TYRO3: variants seen among roughly 807,000 people sequenced by gnomAD.
TYRO3 encodes TYRO3 protein tyrosine kinase.
TYRO3 carries 38 observed loss-of-function variants against 95.2 expected under a neutral mutation model. That is an observed-to-expected ratio of 0.40 (90% CI 0.31 to 0.52). The LOEUF is 0.52. Ranked by LOEUF, TYRO3 falls within the 20% of genes least tolerant of loss-of-function variation. The probability of loss-of-function intolerance (pLI) is 0.56; values close to 1 mark genes in which losing one functional copy is unlikely to be tolerated. For synonymous variants in TYRO3, 367 were observed against 432.9 expected (o/e 0.85, Z 1.89); for missense variants, 812 against 1,116.4 (o/e 0.73, Z 3.89).
chr15:41,576,669 T>TTA (rs1395461321), intron 18 of TYRO3, among the ~76,000 whole-genome samples: 268 of 83,624 alleles, frequency 3.2e-3, no homozygotes, highest in African/African-American at 4.4e-3. Context: ...TTTTTTTTTT[T>TTA]AAAAAAAAAA....
intron 11 of TYRO3, 124 bp downstream of exon 11, chr15:41,570,464 G>A (rs2055781344): frequency 7.2e-7 from 1 of 1,395,830 alleles, no homozygotes; most frequent in African/African-American, 1.4e-5. Flanking sequence ...ACACAAATCT[G>A]CCTGTGTGGA....
intron 3 of TYRO3, chr15:41,562,331 C>CA (rs11363130): frequency 0.46 from 79,719 of 172,950 alleles, 19,980 homozygotes; most frequent in African/African-American, 0.63. Context: ...CGACCAATCT[C>CA]AAAAAAAAAA....
At chr15:41,574,661 C>A (rs2055839395) in intron 18 of TYRO3, 1 of 455,914 alleles carries the variant, frequency 2.2e-6, no homozygotes, top group Admixed American at 2.4e-5. Context: ...TCTAGTCTTA[C>A]ACTCCCACTC....
rs1595508441 is a variant in TYRO3, at chr15:41,580,580, T to C, written c.*2304T>C. 1 of 151,286 alleles carries C rather than the reference T, an allele frequency of 6.6e-6. No homozygotes were observed. Among genetic ancestry groups the C allele is most frequent in the South Asian group, 2.1e-4 (1 of 4,798 alleles). 9.4% of individuals were successfully genotyped at this position (151,286 alleles called of 1,614,324 possible). A position where few individuals can be genotyped will look rare whatever the true frequency, so the allele number is the denominator to read the frequency against. ...TCCCACCACCTAGAGATAATCACCA[T>C]TGATCTTTTGAAAATGCAAATATTC... On this transcript the variant is annotated 3_prime_UTR_variant, in exon 19 of 19. Transcript: ENST00000263798.
At chr15:41,559,416 G>A in intron 1 of TYRO3, 35 bp downstream of exon 1, 1 of 344,044 alleles carries the variant, frequency 2.9e-6, no homozygotes, top group Non-Finnish European at 5.2e-6. Flanking sequence ...GGGAAGCGGG[G>A]GGCTGCGGAG....
intron 1 of TYRO3, among the ~76,000 whole-genome samples, chr15:41,560,032 C>T (rs1260722903): frequency 6.6e-6 from 1 of 152,170 alleles, no homozygotes; most frequent in African/African-American, 2.4e-5. Flanking sequence ...GTTCCCACCC[C>T]GCACCTCGGG....
chr15:41,561,450 G>A, intron 2 of TYRO3, 89 bp from the exon 3 acceptor site: 1 of 1,363,270 alleles, frequency 7.3e-7, no homozygotes, highest in Non-Finnish European at 9.9e-7. Context: ...GGACCTTCCA[G>A]AAGTGGGGGC....
Position 41,559,349 on chromosome 15 carries a change from C to A in TYRO3, c.92C>A (p.Ala31Asp). 2.8e-6 allele frequency: 1 copy of A among 356,176 alleles called. No homozygotes were observed. Among genetic ancestry groups the A allele is most frequent in the Non-Finnish European group, 5.0e-6 (1 of 199,522 alleles). 22.1% of individuals were successfully genotyped at this position (356,176 alleles called of 1,614,324 possible). A position where few individuals can be genotyped will look rare whatever the true frequency, so the allele number is the denominator to read the frequency against. Residue 31 changes from alanine to aspartate, a missense_variant, in exon 1 of 19, where the codon GCT becomes GAT. Transcript: ENST00000263798. ...PRLGLLLAALASLLLPESAAA... is the reference protein window; with the variant it reads ...PRLGLLLAALDSLLLPESAAA... ...CTCGGGCTGCTGCTGGCGGCTCTGG[C>A]TTCTCTGCTGCTCCCGGAGTCCGCC...
chr15:41,572,960 G>A (rs2055815786), intron 15 of TYRO3, 42 bp from the exon 16 acceptor site: 2 of 996,908 alleles, frequency 2.0e-6, no homozygotes, highest in African/African-American at 1.6e-5. Flanking sequence ...GCCCCAGCTG[G>A]GTGGGCAGGT....
chr15:41,561,732 G>A, intron 3 of TYRO3, 93 bp downstream of exon 3: 1 of 968,140 alleles, frequency 1.0e-6, no homozygotes, highest in Non-Finnish European at 1.5e-6. Context: ...AGTAGAAGCT[G>A]GGCTGCCCCA....
chr15:41,562,152 G>C (rs992034310), intron 3 of TYRO3: 1 of 180,802 alleles, frequency 5.5e-6, no homozygotes, highest in African/African-American at 2.4e-5. Context: ...TGCAAGAAGA[G>C]CTGTCCAAAT....
chr15:41,559,443 C>A, intron 1 of TYRO3, 62 bp downstream of exon 1: 1 of 227,354 alleles, frequency 4.4e-6, no homozygotes, highest in South Asian at 1.6e-4. Flanking sequence ...GGCCGGGGGT[C>A]GGAGCCCGGG....
chr15:41,568,796 T>C, intron 8 of TYRO3, 82 bp from the exon 9 acceptor site: 2 of 1,520,002 alleles, frequency 1.3e-6, no homozygotes, highest in Middle Eastern at 2.4e-4. Context: ...TGTTCCCAGC[T>C]GGACCTTTTT....
intron 7 of TYRO3, 37 bp from the exon 8 acceptor site, chr15:41,568,180 G>A (rs1480592784): frequency 1.2e-6 from 2 of 1,610,510 alleles, no homozygotes; most frequent in Non-Finnish European, 1.7e-6. Flanking sequence ...TGGTGGGAAG[G>A]GCAGGGGTCT....
intron 7 of TYRO3, 24 bp downstream of exon 7, chr15:41,567,561 G>T: frequency 2.1e-6 from 3 of 1,435,634 alleles, no homozygotes; most frequent in South Asian, 1.7e-5. Context: ...AGAGCAGAGC[G>T]GGTGGGCAGG....
Position 41,561,594 on chromosome 15 carries a change from G to A in TYRO3, c.364G>A (p.Gly122Arg). Residue 122 changes from glycine to arginine, a missense_variant, in exon 3 of 19, where the codon GGG (glycine) becomes AGG (arginine). Coordinates refer to ENST00000263798, the MANE Select transcript of TYRO3 (RefSeq NM_006293.4). The part of the protein sequence containing the change: ...AGRYWCQVED[G>R]GETEISQPVW... The stretch of plus-strand genomic sequence containing the variant: ...CCGGTACTGGTGCCAGGTGGAGGAT[G>A]GGGGTGAAACCGAGATCTCCCAGCC... 3 of 1,594,768 alleles carry A rather than the reference G, an allele frequency of 1.9e-6. No homozygotes were observed. The highest frequency in any genetic ancestry group is 2.6e-6 in the Non-Finnish European group (3 of 1,172,300).
At chr15:41,576,193 G>A (rs1051088396) in intron 18 of TYRO3, among the ~76,000 whole-genome samples, 6 of 151,746 alleles carry the variant, frequency 4.0e-5, no homozygotes, top group Admixed American at 6.6e-5. Flanking sequence ...TGAATAGTGA[G>A]GACTTTTTCT....
rs1595508801 is a variant in TYRO3, at chr15:41,581,546, G to C, written c.*3270G>C. The C allele has an allele frequency of 6.6e-6, 1 of 152,188 alleles. No individual in the cohort carries two copies. The highest frequency in any genetic ancestry group is 2.1e-4 in the South Asian group (1 of 4,830). The allele number at this position is 152,188 out of a possible 1,614,324, so 9.4% of individuals were successfully genotyped here. A position where few individuals can be genotyped will look rare whatever the true frequency, so the allele number is the denominator to read the frequency against. ...TTGATTGAAAAGACCTTCACTATCG[G>C]TTGGGGGCGGTGGCTGATGCCTGTA... is the stretch of plus-strand genomic sequence containing the variant. On this transcript the variant is annotated 3_prime_UTR_variant, in exon 19 of 19. Transcript: ENST00000263798.
intron 9 of TYRO3, among the ~76,000 whole-genome samples, 165 bp from the exon 10 acceptor site, chr15:41,569,862 A>T (rs777807633): frequency 1.3e-5 from 2 of 152,318 alleles, no homozygotes; most frequent in Non-Finnish European, 2.9e-5. Flanking sequence ...CCTGTCTCTG[A>T]CCAGGTAGGA....
Sources: allele counts gnomAD v4.1 joint callset (sites outside exome capture counted in the v4.1 genomes callset), GRCh38; gene constraint gnomAD v4.1.1; transcripts MANE v1.5; gene names NCBI Gene and HGNC (gene_info 2026-07-23, HGNC 2026-07-21).